Variants in BSPH1 observed in about 807,000 individuals in gnomAD.
BSPH1 encodes the protein binder of sperm 1.
In BSPH1, 21 loss-of-function variants were observed where a neutral mutation model predicts 22.5. The observed-to-expected ratio is 0.93, with a 90% CI of 0.66 to 1.35. The LOEUF (loss-of-function observed/expected upper bound fraction) is 1.35, where lower values mean the gene tolerates loss of function less well. Ranked by LOEUF, BSPH1 falls within the 40% of genes most tolerant of loss-of-function variation. The probability of loss-of-function intolerance (pLI) is 0.00; values close to 1 mark genes in which losing one functional copy is unlikely to be tolerated. For missense variants in BSPH1, 141 were observed against 154.2 expected, an observed-to-expected ratio of 0.91 and a Z score of 0.45; for synonymous variants, 42 against 53.6, an observed-to-expected ratio of 0.78 and a Z score of 0.95.
At chr19:47,971,486 G>A (rs143834432) in intron 5 of BSPH1, among the ~76,000 whole-genome samples, 2,939 of 152,326 alleles carry the variant, frequency 0.019, 37 homozygotes, top group Middle Eastern at 0.027. Context: ...GATGACAGGC[G>A]TGAGGCACCG....
intron 1 of BSPH1, among the ~76,000 whole-genome samples, chr19:47,985,444 GACAA>G (rs1231994854): frequency 6.6e-6 from 1 of 152,126 alleles, no homozygotes; most frequent in Non-Finnish European, 1.5e-5. Flanking sequence ...AAGATTCTCA[GACAA>G]ACAAACATTG....
chr19:47,974,443 T>C (rs1435383518), intron 5 of BSPH1, among the ~76,000 whole-genome samples: 2 of 151,956 alleles, frequency 1.3e-5, no homozygotes, highest in Non-Finnish European at 2.9e-5. Flanking sequence ...CTAACTGTTG[T>C]ATTTTTAGTA....
At chr19:47,967,270 G>A (rs1969268490), downstream of BSPH1, among the ~76,000 whole-genome samples, 1 of 152,192 alleles carries the variant, frequency 6.6e-6, no homozygotes, top group South Asian at 2.1e-4. Context: ...AATTCACTTA[G>A]ATGGCCTCCA....
intron 1 of BSPH1, among the ~76,000 whole-genome samples, chr19:47,988,510 G>A (rs1268981783): frequency 6.6e-6 from 1 of 152,160 alleles, no homozygotes; most frequent in African/African-American, 2.4e-5. Flanking sequence ...AGAGTTGAGT[G>A]GGACAGAGGA....
At position 47,977,568 on chromosome 19, in the gene BSPH1, G is replaced by C. The variant is rs1409865383; in HGVS notation, c.125-64C>G. On this transcript the variant is annotated intron_variant, in intron 3 of 5. Coordinates refer to ENST00000344839, the MANE Select transcript of BSPH1 (RefSeq NM_001128326.2). ...TTAGGAGAGAGGTTATCAAGCGACT[G>C]TCTTCCTAGGCGCTGTTGCCCTTTG... 11 of 1,530,410 alleles carry C rather than the reference G, an allele frequency of 7.2e-6. No individual in the cohort carries two copies. In the Admixed American group the frequency reaches 1.8e-4, roughly 26 times the overall value. The allele number at this position is 1,530,410 out of a possible 1,614,324, so 94.8% of individuals were successfully genotyped here.
intron 5 of BSPH1, among the ~76,000 whole-genome samples, chr19:47,976,463 T>A (rs1969363623): frequency 6.6e-6 from 1 of 151,818 alleles, no homozygotes; most frequent in Non-Finnish European, 1.5e-5. Flanking sequence ...GGACTAATTT[T>A]ACACAGTTAG....
At chr19:47,969,787 G>GA (rs1969294797) in intron 5 of BSPH1, among the ~76,000 whole-genome samples, 1 of 151,548 alleles carries the variant, frequency 6.6e-6, no homozygotes, top group Non-Finnish European at 1.5e-5. Context: ...GTGTGTGTGT[G>GA]TGAGAGAGAC....
Position 47,986,283 on chromosome 19 carries a change from GA to G in BSPH1, c.74-5343del, listed in dbSNP as rs200810823. On this transcript the variant is annotated intron_variant, in intron 1 of 5. Coordinates refer to ENST00000344839, the MANE Select transcript of BSPH1 (RefSeq NM_001128326.2). ...GCACAAGATAGAAGACAAAACTTAC[GA>G]ATCTAGAGAATGTCAGAAGGCCTGG... is the stretch of plus-strand genomic sequence containing the variant. Among the ~76,000 whole-genome samples, 1,053 of 152,268 alleles carry G rather than the reference GA, an allele frequency of 6.9e-3. 10 individuals carry two copies. Among genetic ancestry groups the G allele is most frequent in the African/African-American group, 0.024 (981 of 41,554 alleles).
At chr19:47,967,521 TC>T (rs1969270210), downstream of BSPH1, among the ~76,000 whole-genome samples, 1 of 152,134 alleles carries the variant, frequency 6.6e-6, no homozygotes, top group South Asian at 2.1e-4. Context: ...CCTCAAAGCG[TC>T]TCTCCTTGCC....
At chr19:47,984,786 A>C (rs1834956) in intron 1 of BSPH1, among the ~76,000 whole-genome samples, 103,408 of 151,372 alleles carry the variant, frequency 0.68, 35,775 homozygotes, top group African/African-American at 0.79. Context: ...TTGGAAACCA[A>C]CTATTGATGG....
At chr19:47,990,118 C>CAAAAAAAAAA (rs11329791) in intron 1 of BSPH1, among the ~76,000 whole-genome samples, 3 of 99,680 alleles carry the variant, frequency 3.0e-5, no homozygotes, top group Admixed American at 1.1e-4. Flanking sequence ...GACTCCATCT[C>CAAAAAAAAAA]AAAAAAAAAA....
intron 5 of BSPH1, among the ~76,000 whole-genome samples, chr19:47,969,475 G>A (rs965644926): frequency 1.3e-5 from 2 of 152,136 alleles, no homozygotes; most frequent in Admixed American, 1.3e-4. Flanking sequence ...GGATATTCAA[G>A]TCATGAGGCT....
intron 1 of BSPH1, among the ~76,000 whole-genome samples, chr19:47,988,268 A>G (rs917227532): frequency 6.6e-6 from 1 of 152,192 alleles, no homozygotes; most frequent in Non-Finnish European, 1.5e-5. Flanking sequence ...TTGGTACTAT[A>G]ATAGTAGTAA....
At chr19:47,973,527 T>A (rs1438417692) in intron 5 of BSPH1, among the ~76,000 whole-genome samples, 1 of 152,136 alleles carries the variant, frequency 6.6e-6, no homozygotes, top group African/African-American at 2.4e-5. Flanking sequence ...ACAGCTCCCA[T>A]TTTATTCTGC....
intron 1 of BSPH1, among the ~76,000 whole-genome samples, chr19:47,989,044 G>A (rs1019771259): frequency 6.6e-6 from 1 of 151,788 alleles, no homozygotes; most frequent in Non-Finnish European, 1.5e-5. Flanking sequence ...ACATGCTCAT[G>A]AGTGGAGATG....
intron 1 of BSPH1, among the ~76,000 whole-genome samples, chr19:47,985,441 TCAGA>T (rs1969461748): frequency 6.6e-6 from 1 of 152,148 alleles, no homozygotes; most frequent in Non-Finnish European, 1.5e-5. Flanking sequence ...ACAAAGATTC[TCAGA>T]CAAACAAACA....
chr19:47,971,573 C>A (rs539239223), intron 5 of BSPH1, among the ~76,000 whole-genome samples: 3 of 152,084 alleles, frequency 2.0e-5, no homozygotes, highest in Admixed American at 2.0e-4. Context: ...CTTCTTTGAC[C>A]GAATCCCTCT....
intron 5 of BSPH1, among the ~76,000 whole-genome samples, chr19:47,975,354 C>T (rs146135965): frequency 5.0e-4 from 76 of 151,906 alleles, no homozygotes; most frequent in African/African-American, 1.7e-3. Context: ...TGGATTGTAT[C>T]CAGATTCTGC....
At chr19:47,981,855 T>A (rs2122254124) in intron 1 of BSPH1, 2 of 410,998 alleles carry the variant, frequency 4.9e-6, no homozygotes, top group South Asian at 2.0e-4. Context: ...TCCCCCTCCT[T>A]AGAACTTGAA....
Sources: allele counts gnomAD v4.1 joint callset (sites outside exome capture counted in the v4.1 genomes callset), GRCh38; gene constraint gnomAD v4.1.1; transcripts MANE v1.5; gene names NCBI Gene and HGNC (gene_info 2026-07-23, HGNC 2026-07-21).